Variants in PPP1R17 observed in about 807,000 individuals in gnomAD.
PPP1R17 encodes protein phosphatase 1 regulatory subunit 17.
Under a neutral mutation model 15.9 loss-of-function variants are expected in PPP1R17, and 12 were observed. The observed-to-expected ratio is 0.75, with a 90% CI of 0.48 to 1.22. The LOEUF is 1.22. PPP1R17 is among the 50% of genes most tolerant of loss of function. The pLI is 0.00. For synonymous variants in PPP1R17, 63 were observed against 64.5 expected (o/e 0.98, Z 0.11); for missense variants, 211 against 187.3 (o/e 1.13, Z -0.74).
chr7:31,696,718 C>G (rs1377934309), intron 3 of PPP1R17, among the ~76,000 whole-genome samples: 3 of 152,168 alleles, frequency 2.0e-5, no homozygotes, highest in Non-Finnish European at 4.4e-5. Context: ...GGCCATAATA[C>G]TAAATTCCTC....
At chr7:31,706,150 G>A (rs1011925535) in intron 4 of PPP1R17, among the ~76,000 whole-genome samples, 1 of 151,388 alleles carries the variant, frequency 6.6e-6, no homozygotes, top group Non-Finnish European at 1.5e-5. Flanking sequence ...GATTACAGGT[G>A]CCCGCCACCA....
chr7:31,707,119 G>A, intron 4 of PPP1R17, 85 bp from the exon 5 acceptor site: 2 of 1,248,882 alleles, frequency 1.6e-6, no homozygotes, highest in East Asian at 2.5e-5. Flanking sequence ...GGGTTGCCAT[G>A]CTCCTTTGTA....
intron 1 of PPP1R17, among the ~76,000 whole-genome samples, chr7:31,691,309 GA>G (rs564168752): frequency 6.6e-6 from 1 of 152,276 alleles, no homozygotes; most frequent in South Asian, 2.1e-4. Flanking sequence ...TTATGAGCTT[GA>G]AACATTAGCA....
intron 4 of PPP1R17, among the ~76,000 whole-genome samples, chr7:31,706,710 A>G (rs1308873209): frequency 6.6e-6 from 1 of 152,234 alleles, no homozygotes; most frequent in East Asian, 1.9e-4. Flanking sequence ...AAATATTGAA[A>G]GGACAGGAAA....
At chr7:31,688,345 CAATCTTA>C (rs1171284686) in intron 1 of PPP1R17, among the ~76,000 whole-genome samples, 1 of 152,216 alleles carries the variant, frequency 6.6e-6, no homozygotes, top group Non-Finnish European at 1.5e-5. Context: ...TCACAGCATC[CAATCTTA>C]AAGTTGAGAG....
chr7:31,698,403 T>C (rs2128243091), intron 4 of PPP1R17, among the ~76,000 whole-genome samples: 1 of 152,290 alleles, frequency 6.6e-6, no homozygotes, highest in Admixed American at 6.5e-5. Context: ...TCTTCACCAC[T>C]TACCTGTATA....
intron 1 of PPP1R17, among the ~76,000 whole-genome samples, chr7:31,687,882 A>T (rs1324568504): frequency 2.0e-5 from 3 of 152,180 alleles, no homozygotes; most frequent in Non-Finnish European, 4.4e-5. Context: ...AGACCTGATT[A>T]CTTTGGGGGA....
chr7:31,694,865 GTAAA>G (rs1217275644), intron 2 of PPP1R17, among the ~76,000 whole-genome samples: 1 of 152,160 alleles, frequency 6.6e-6, no homozygotes, highest in African/African-American at 2.4e-5. Flanking sequence ...ATTGAGAAAA[GTAAA>G]TAAATGAGTC....
At position 31,707,335 on chromosome 7, in the gene PPP1R17, T is replaced by A; in HGVS notation, c.*52T>A. 6.8e-7 allele frequency: 1 copy of A among 1,470,148 alleles called. No individual in the cohort carries two copies. Among genetic ancestry groups the A allele is most frequent in the Non-Finnish European group, 9.4e-7 (1 of 1,067,360 alleles). The allele number at this position is 1,470,148 out of a possible 1,614,324, so 91.1% of individuals were successfully genotyped here. A position where few individuals can be genotyped will look rare whatever the true frequency, so the allele number is the denominator to read the frequency against. On this transcript the variant is annotated 3_prime_UTR_variant, in exon 5 of 5. Transcript: ENST00000342032. ...AATAGGTTAGATTGGTTCCCTGTGG[T>A]GACCTAGAGAAAAAATAGACTTGTT...
At chr7:31,694,121 AG>A (rs1434734277) in intron 2 of PPP1R17, among the ~76,000 whole-genome samples, 1 of 152,232 alleles carries the variant, frequency 6.6e-6, no homozygotes, top group Admixed American at 6.5e-5. Context: ...AGGTCAGAGA[AG>A]ACATATGCAG....
chr7:31,702,999 TC>T lies in PPP1R17; in HGVS notation c.389-4202del, dbSNP rs1184835279. ...TGGATTCACAAAGGTCTAGGTTTCA[TC>T]CCTGGTTCTGCTCCATACTAGCTTT... On this transcript the variant is annotated intron_variant, in intron 4 of 4. Coordinates refer to ENST00000342032, the MANE Select transcript of PPP1R17 (RefSeq NM_006658.5). Among the ~76,000 whole-genome samples, 58 of 152,346 alleles carry T rather than the reference TC, an allele frequency of 3.8e-4. 1 individual carries two copies. The highest frequency in any genetic ancestry group is 1.3e-3 in the African/African-American group (56 of 41,582).
rs1562707985 is a variant in PPP1R17 at position 31,707,477 on chromosome 7, T to G, written c.*194T>G. 1.8e-6 allele frequency: 1 copy of G among 555,360 alleles called. No homozygotes were observed. Among genetic ancestry groups the G allele is most frequent in the Non-Finnish European group, 3.2e-6 (1 of 315,356 alleles). 34.4% of individuals were successfully genotyped at this position (555,360 alleles called of 1,614,324 possible). A position where few individuals can be genotyped will look rare whatever the true frequency, so the allele number is the denominator to read the frequency against. The stretch of plus-strand genomic sequence containing the variant: ...TCTCTCTCTTCTTTCTGAGTATGGT[T>G]TCTATTCTGTGTTTTGAATTTTTAT... On this transcript the variant is annotated 3_prime_UTR_variant, in exon 5 of 5. Coordinates refer to ENST00000342032, the MANE Select transcript of PPP1R17 (RefSeq NM_006658.5).
chr7:31,698,001 G>C (rs1792674660), intron 4 of PPP1R17, among the ~76,000 whole-genome samples: 1 of 152,120 alleles, frequency 6.6e-6, no homozygotes, highest in Non-Finnish European at 1.5e-5. Flanking sequence ...CAAATGAACA[G>C]ATAAAATTAT....
At chr7:31,690,050 CCT>C (rs1172731929) in intron 1 of PPP1R17, among the ~76,000 whole-genome samples, 1 of 152,208 alleles carries the variant, frequency 6.6e-6, no homozygotes, top group Non-Finnish European at 1.5e-5. Flanking sequence ...TGTCCAGGGG[CCT>C]CTGACATGTT....
At chr7:31,701,622 A>G (rs892657822) in intron 4 of PPP1R17, among the ~76,000 whole-genome samples, 10 of 152,212 alleles carry the variant, frequency 6.6e-5, no homozygotes, top group Admixed American at 2.0e-4. Context: ...AGCATCACAT[A>G]CTAGAGCAAA....
At chr7:31,704,985 A>G (rs971435941) in intron 4 of PPP1R17, among the ~76,000 whole-genome samples, 1 of 152,212 alleles carries the variant, frequency 6.6e-6, no homozygotes, top group African/African-American at 2.4e-5. Context: ...GCTCATCCTA[A>G]GCAATGATAT....
chr7:31,702,999 T>A (rs945232092), intron 4 of PPP1R17, among the ~76,000 whole-genome samples: 3 of 152,228 alleles, frequency 2.0e-5, no homozygotes, highest in African/African-American at 7.2e-5. Context: ...CTAGGTTTCA[T>A]CCCTGGTTCT....
chr7:31,705,370 T>C (rs1032174193), intron 4 of PPP1R17, among the ~76,000 whole-genome samples: 3 of 152,300 alleles, frequency 2.0e-5, no homozygotes, highest in African/African-American at 7.2e-5. Context: ...ATGGAAAATT[T>C]TGGGGCTCAG....
chr7:31,705,776 G>A (rs567882204), intron 4 of PPP1R17, among the ~76,000 whole-genome samples: 9 of 152,074 alleles, frequency 5.9e-5, no homozygotes, highest in African/African-American at 1.9e-4. Context: ...GAGGCAGTGC[G>A]AGGCAGTGGT....
Sources: allele counts gnomAD v4.1 joint callset (sites outside exome capture counted in the v4.1 genomes callset), GRCh38; gene constraint gnomAD v4.1.1; transcripts MANE v1.5; gene names NCBI Gene and HGNC (gene_info 2026-07-23, HGNC 2026-07-21).